TNRC6C: variants seen among roughly 807,000 people sequenced by gnomAD.
The protein encoded by TNRC6C is trinucleotide repeat containing adaptor 6C, also known as trinucleotide repeat-containing gene 6C protein.
In TNRC6C, 20 loss-of-function variants were observed where a neutral mutation model predicts 153.7. The observed-to-expected ratio is 0.13, with a 90% CI of 0.09 to 0.19. TNRC6C has a LOEUF of 0.19. TNRC6C is among the 10% of genes least tolerant of loss of function. The probability of loss-of-function intolerance (pLI) is 1.00; values close to 1 mark genes in which losing one functional copy is unlikely to be tolerated. For missense variants in TNRC6C, 1,987 were observed against 2,172.0 expected (o/e 0.91, Z 1.69); for synonymous variants, 811 against 841.4 (o/e 0.96, Z 0.63).
intron 1 of TNRC6C, among the ~76,000 whole-genome samples, chr17:78,014,779 A>G (rs904930584): frequency 2.0e-5 from 3 of 151,732 alleles, no homozygotes; most frequent in African/African-American, 7.3e-5. Context: ...GCTTGTTTTG[A>G]GTTGGGCTCC....
intron 4 of TNRC6C, among the ~76,000 whole-genome samples, chr17:78,065,277 G>A (rs1385923405): frequency 1.3e-5 from 2 of 151,848 alleles, no homozygotes; most frequent in Admixed American, 6.6e-5. Context: ...GCTTGAGCCC[G>A]GGAGGTTAAG....
At chr17:78,082,976 G>T in intron 10 of TNRC6C, 71 bp from the exon 13 acceptor site, 1 of 1,558,186 alleles carries the variant, frequency 6.4e-7, no homozygotes, top group South Asian at 1.2e-5. Flanking sequence ...TTTGAATTTT[G>T]AAAAACTACA....
At chr17:78,055,435 C>T (rs185565356) in intron 3 of TNRC6C, among the ~76,000 whole-genome samples, 252 of 152,244 alleles carry the variant, frequency 1.7e-3, no homozygotes, top group Middle Eastern at 3.4e-3. Context: ...TGTGACTGGC[C>T]GCACAGTAGG....
At chr17:78,097,436 C>T (rs1274706357) in intron 16 of TNRC6C, among the ~76,000 whole-genome samples, 5 of 152,098 alleles carry the variant, frequency 3.3e-5, no homozygotes, top group African/African-American at 4.8e-5. Context: ...CAGTGTGGTC[C>T]TTTAAAACTC....
intron 4 of TNRC6C, among the ~76,000 whole-genome samples, chr17:78,065,939 A>C (rs1368974656): frequency 1.3e-5 from 2 of 152,158 alleles, no homozygotes; most frequent in Non-Finnish European, 2.9e-5. Context: ...CTGATATTAA[A>C]ATTAATTGTG....
intron 1 of TNRC6C, among the ~76,000 whole-genome samples, chr17:78,022,911 T>C (rs2071863116): frequency 6.6e-6 from 1 of 152,216 alleles, no homozygotes; most frequent in Admixed American, 6.5e-5. Flanking sequence ...TTCTTATTAT[T>C]CCATAAACAA....
intron 1 of TNRC6C, among the ~76,000 whole-genome samples, chr17:78,023,546 C>T (rs1393292475): frequency 6.6e-6 from 1 of 152,180 alleles, no homozygotes; most frequent in East Asian, 1.9e-4. Context: ...TGGCTCATGC[C>T]TGTAATCCCA....
At chr17:77,967,611 G>T (rs899183019) in intron 1 of TNRC6C, among the ~76,000 whole-genome samples, 1 of 152,178 alleles carries the variant, frequency 6.6e-6, no homozygotes, top group Non-Finnish European at 1.5e-5. Context: ...GGAGTGGCTA[G>T]TTCCTTTTCC....
intron 1 of TNRC6C, among the ~76,000 whole-genome samples, chr17:77,971,873 A>C (rs1018254370): frequency 8.6e-5 from 13 of 151,958 alleles, no homozygotes; most frequent in Non-Finnish European, 7.4e-5. Flanking sequence ...GAGTTAAAAA[A>C]AAAAAAAAAG....
intron 10 of TNRC6C, among the ~76,000 whole-genome samples, chr17:78,082,522 T>C (rs2073199987): frequency 6.6e-6 from 1 of 152,124 alleles, no homozygotes; most frequent in Non-Finnish European, 1.5e-5. Context: ...AAACAATCAA[T>C]AGAAACAGGA....
intron 7 of TNRC6C, among the ~76,000 whole-genome samples, chr17:78,073,768 A>AG (rs1246946106): frequency 5.3e-5 from 8 of 152,240 alleles, no homozygotes; most frequent in Non-Finnish European, 1.2e-4. Flanking sequence ...GTTTCAAGAC[A>AG]CCTTATTTAA....
chr17:78,083,163 G>A (rs2073213875), exon 11 of TNRC6C: 2 of 1,613,838 alleles, frequency 1.2e-6, no homozygotes, highest in Non-Finnish European at 1.7e-6. Context: ...ATCAGCTGCA[G>A]CTGGTGAGTG....
intron 1 of TNRC6C, among the ~76,000 whole-genome samples, chr17:77,963,897 G>T (rs2070879026): frequency 6.6e-6 from 1 of 152,150 alleles, no homozygotes; most frequent in Admixed American, 6.6e-5. Flanking sequence ...TTAAATGTTT[G>T]CTCTAGGAAA....
chr17:78,098,639 C>T (rs1392560538), intron 17 of TNRC6C, 102 bp downstream of exon 20: 16 of 1,360,930 alleles, frequency 1.2e-5, no homozygotes, highest in Non-Finnish European at 1.6e-5. Context: ...CTGCCTGTAA[C>T]TCTGGAGCCT....
chr17:77,987,782 C>T (rs950791276), intron 1 of TNRC6C, among the ~76,000 whole-genome samples: 1 of 152,080 alleles, frequency 6.6e-6, no homozygotes, highest in Non-Finnish European at 1.5e-5. Context: ...CGGGTTCAAG[C>T]GATTCTCCTG....
chr17:78,028,091 G>A (rs906433519), intron 1 of TNRC6C, among the ~76,000 whole-genome samples: 1 of 151,998 alleles, frequency 6.6e-6, no homozygotes. Flanking sequence ...GTAGAGACAG[G>A]GTTTCACCGT....
chr17:77,990,279 C>T (rs1871621425), intron 1 of TNRC6C, among the ~76,000 whole-genome samples: 1 of 152,226 alleles, frequency 6.6e-6, no homozygotes, highest in African/African-American at 2.4e-5. Context: ...CTCTTACCTT[C>T]TTGTAATCTA....
chr17:78,097,793 C>T, intron 16 of TNRC6C: 1 of 1,551,118 alleles, frequency 6.4e-7, no homozygotes, highest in Non-Finnish European at 8.7e-7. Context: ...TCTTCGAGTG[C>T]CTGGCCACTC....
chr17:78,039,891 C>T (rs1039883741), intron 2 of TNRC6C, among the ~76,000 whole-genome samples: 2 of 152,150 alleles, frequency 1.3e-5, no homozygotes, highest in Admixed American at 6.5e-5. Context: ...ACAAGAGTGG[C>T]GGAAATGTAG....
Sources: allele counts gnomAD v4.1 joint callset (sites outside exome capture counted in the v4.1 genomes callset), GRCh38; gene constraint gnomAD v4.1.1; transcripts MANE v1.5; gene names NCBI Gene and HGNC (gene_info 2026-07-23, HGNC 2026-07-21).